EXT1: variants seen among roughly 807,000 people sequenced by gnomAD.
The protein encoded by EXT1 is exostosin-1.
In EXT1, 20 loss-of-function variants were observed where a neutral mutation model predicts 82.5. The observed-to-expected ratio is 0.24, with a 90% CI of 0.17 to 0.35. The LOEUF is 0.35. Among genes scored for constraint, EXT1 ranks in the 10% least tolerant of loss-of-function variants. The pLI, the probability that EXT1 is intolerant of heterozygous loss-of-function variation, is 1.00. For synonymous variants in EXT1, 348 were observed against 350.8 expected (o/e 0.99, Z 0.09); for missense variants, 757 against 936.5 (o/e 0.81, Z 2.50).
intron 1 of EXT1, 119 bp downstream of exon 1, chr8:118,109,966 A>C (rs1817863938): frequency 1.3e-6 from 2 of 1,527,116 alleles, no homozygotes; most frequent in Non-Finnish European, 1.8e-6. Context: ...TTCCAGGCTC[A>C]AAGGGGAAAG....
At chr8:117,992,469 A>G (rs1465232473) in intron 1 of EXT1, among the ~76,000 whole-genome samples, 1 of 149,914 alleles carries the variant, frequency 6.7e-6, no homozygotes, top group Admixed American at 6.6e-5. Context: ...AAAAATGTTC[A>G]AGCAGATGGA....
chr8:117,846,896 C>A (rs552211185), intron 1 of EXT1, among the ~76,000 whole-genome samples: 1 of 152,236 alleles, frequency 6.6e-6, no homozygotes, highest in South Asian at 2.1e-4. Context: ...ACATGCCCCT[C>A]TTTCCTTCTT....
intron 1 of EXT1, among the ~76,000 whole-genome samples, chr8:117,905,729 G>A (rs113295418): frequency 0.05 from 7,644 of 152,168 alleles, 640 homozygotes; most frequent in African/African-American, 0.17. Context: ...GGACAATGGC[G>A]TGAACCCGGG....
At chr8:118,025,695 G>A (rs1586349990) in intron 1 of EXT1, among the ~76,000 whole-genome samples, 2 of 152,238 alleles carry the variant, frequency 1.3e-5, no homozygotes, top group African/African-American at 2.4e-5. Context: ...CCGGCAAAGC[G>A]GTTTTAGGCA....
At chr8:117,989,178 T>C (rs17476233) in intron 1 of EXT1, among the ~76,000 whole-genome samples, 2,953 of 151,650 alleles carry the variant, frequency 0.019, 39 homozygotes, top group Middle Eastern at 0.031. Context: ...ACCTAAGCCA[T>C]AGCAGAGGCA....
At chr8:117,881,356 C>T (rs1163646774) in intron 1 of EXT1, among the ~76,000 whole-genome samples, 2 of 152,186 alleles carry the variant, frequency 1.3e-5, no homozygotes, top group Non-Finnish European at 2.9e-5. Flanking sequence ...ACAGTATCCA[C>T]AGCTCCTGGA....
intron 1 of EXT1, among the ~76,000 whole-genome samples, chr8:118,090,024 G>C (rs1031174932): frequency 1.3e-5 from 2 of 152,212 alleles, no homozygotes; most frequent in South Asian, 2.1e-4. Context: ...AACTGCTAGA[G>C]AGAACCTAGG....
intron 4 of EXT1, among the ~76,000 whole-genome samples, chr8:117,825,087 G>A (rs1313496378): frequency 6.6e-6 from 1 of 151,982 alleles, no homozygotes; most frequent in African/African-American, 2.4e-5. Flanking sequence ...GCTCAGGCTG[G>A]ACTCAAACTC....
In EXT1 at chr8:117,837,066, C is replaced by A. The variant is rs759284661; in HGVS notation, c.1056+42G>T. 4.9e-6 allele frequency: 7 copies of A among 1,416,984 alleles called. No homozygotes were observed. The African/African-American group carries it at 9.9e-5, about 20-fold the overall frequency. The allele number at this position is 1,416,984 out of a possible 1,614,324, so 87.8% of individuals were successfully genotyped here. A position where few individuals can be genotyped will look rare whatever the true frequency, so the allele number is the denominator to read the frequency against. ...ATGTTAAACCCACTTAATCTGGCTT[C>A]GGTCCTCAGCCCTATTCTGGGAAGG... On this transcript the variant is annotated intron_variant, in intron 2 of 10. Coordinates refer to ENST00000378204, the MANE Select transcript of EXT1 (RefSeq NM_000127.3).
chr8:118,063,663 C>T (rs529573271), intron 1 of EXT1, among the ~76,000 whole-genome samples: 1 of 152,176 alleles, frequency 6.6e-6, no homozygotes, highest in Non-Finnish European at 1.5e-5. Flanking sequence ...CTCTTACAAA[C>T]ACTGCTGCGA....
At chr8:117,944,440 C>T (rs926304492) in intron 1 of EXT1, among the ~76,000 whole-genome samples, 1 of 152,166 alleles carries the variant, frequency 6.6e-6, no homozygotes, top group African/African-American at 2.4e-5. Context: ...CCAAAGGCAG[C>T]ATATATTGTC....
At chr8:118,075,048 A>G (rs1817182417) in intron 1 of EXT1, among the ~76,000 whole-genome samples, 1 of 152,102 alleles carries the variant, frequency 6.6e-6, no homozygotes, top group Non-Finnish European at 1.5e-5. Flanking sequence ...GTAACCCCAC[A>G]CTCCGAACAG....
In EXT1 at chr8:117,935,758, T is replaced by A. The variant is rs56844743; in HGVS notation, c.963-98557A>T. Among the ~76,000 whole-genome samples the A allele has an allele frequency of 6.7e-3, 1,019 of 152,294 alleles. 16 individuals are homozygous for A. The highest frequency in any genetic ancestry group is 0.023 in the African/African-American group (971 of 41,550). On this transcript the variant is annotated intron_variant, in intron 1 of 10. Coordinates refer to ENST00000378204, the MANE Select transcript of EXT1 (RefSeq NM_000127.3). ...TGTATTTCTGTAAAATTATTATTTT[T>A]ATTTTAATTTTTGGAGCTCTGTAAT...
In EXT1 at chr8:118,053,184, CTA is replaced by C. The variant is rs140105113; in HGVS notation, c.962+56899_962+56900del. ...GGGTTGGAGAATGGTCACAAACTGGCTATGACACGAGGTCTCAAGTGTCACTG... is the reference window on the plus strand; with the variant it reads ...GGGTTGGAGAATGGTCACAAACTGGCTGACACGAGGTCTCAAGTGTCACTG... On this transcript the variant is annotated intron_variant, in intron 1 of 10. Coordinates refer to ENST00000378204, the MANE Select transcript of EXT1 (RefSeq NM_000127.3). Among the ~76,000 whole-genome samples the C allele has an allele frequency of 2.7e-3, 410 of 152,184 alleles. 2 individuals are homozygous for C. Among genetic ancestry groups the C allele is most frequent in the African/African-American group, 9.5e-3 (393 of 41,538 alleles).
At chr8:117,983,688 T>C (rs1815254837) in intron 1 of EXT1, among the ~76,000 whole-genome samples, 1 of 152,184 alleles carries the variant, frequency 6.6e-6, no homozygotes, top group Non-Finnish European at 1.5e-5. Flanking sequence ...ACCATTTTAA[T>C]AGAATCTTTT....
chr8:117,905,732 A>G (rs1302998936), intron 1 of EXT1, among the ~76,000 whole-genome samples: 2 of 151,584 alleles, frequency 1.3e-5, no homozygotes, highest in Non-Finnish European at 2.9e-5. Context: ...CAATGGCGTG[A>G]ACCCGGGAGG....
intron 1 of EXT1, among the ~76,000 whole-genome samples, chr8:117,946,011 T>G (rs998244591): frequency 2.6e-5 from 4 of 152,238 alleles, no homozygotes; most frequent in Non-Finnish European, 5.9e-5. Context: ...CAAGTGATTC[T>G]CCTGCCTCAG....
intron 1 of EXT1, among the ~76,000 whole-genome samples, chr8:117,987,081 A>T (rs1205830867): frequency 6.6e-6 from 1 of 152,246 alleles, no homozygotes; most frequent in Non-Finnish European, 1.5e-5. Flanking sequence ...GTATTCTCCA[A>T]GGAACTTATG....
chr8:117,970,612 T>C (rs1196644280), intron 1 of EXT1, among the ~76,000 whole-genome samples: 1 of 152,174 alleles, frequency 6.6e-6, no homozygotes, highest in Non-Finnish European at 1.5e-5. Context: ...GCCAGGAATC[T>C]GAATTTTCAA....
Sources: allele counts gnomAD v4.1 joint callset (sites outside exome capture counted in the v4.1 genomes callset), GRCh38; gene constraint gnomAD v4.1.1; transcripts MANE v1.5; gene names NCBI Gene and HGNC (gene_info 2026-07-23, HGNC 2026-07-21).